The following PASD1 variants were observed in gnomAD, a reference collection of about 807,000 sequenced individuals.
PASD1 encodes the protein PAS domain containing repressor 1.
PASD1 carries 13 observed loss-of-function variants against 58.8 expected under a neutral mutation model. That is an observed-to-expected ratio of 0.22 (90% CI 0.14 to 0.35). The LOEUF is 0.35. Ranked by LOEUF, PASD1 falls within the 10% of genes least tolerant of loss-of-function variation. The probability of loss-of-function intolerance (pLI) is 1.00; values close to 1 mark genes in which losing one functional copy is unlikely to be tolerated. For missense variants in PASD1, 734 were observed against 568.3 expected, an observed-to-expected ratio of 1.29 and a Z score of -2.96; for synonymous variants, 236 against 216.7, an observed-to-expected ratio of 1.09 and a Z score of -0.78.
intron 1 of PASD1, among the ~76,000 whole-genome samples, chrX:151,577,485 T>C (rs1454128537): frequency 8.9e-6 from 1 of 112,044 alleles, no homozygotes; most frequent in East Asian, 2.8e-4. Context: ...TAATGCACAG[T>C]CATTGCAATT....
At chrX:151,590,817 G>A (rs1006048708) in intron 1 of PASD1, among the ~76,000 whole-genome samples, 2 of 111,465 alleles carry the variant, frequency 1.8e-5, no homozygotes, top group East Asian at 5.7e-4. Context: ...CTCCTGCCTT[G>A]ACCTCCCGAA....
chrX:151,626,024 C>T (rs1188938107), intron 8 of PASD1, among the ~76,000 whole-genome samples: 1 of 111,521 alleles, frequency 9.0e-6, no homozygotes, highest in African/African-American at 3.3e-5. Context: ...CACATTTTTC[C>T]AACAGAATGT....
intron 8 of PASD1, among the ~76,000 whole-genome samples, chrX:151,636,119 T>G (rs143639951): frequency 0.027 from 3,058 of 111,214 alleles, 99 homozygotes; most frequent in African/African-American, 0.093. Context: ...ATTTTGAATT[T>G]TTTCACTCTA....
chrX:151,648,125 A>C (rs1192732137), intron 8 of PASD1, among the ~76,000 whole-genome samples: 1 of 111,054 alleles, frequency 9.0e-6, no homozygotes, highest in Non-Finnish European at 1.9e-5. Context: ...AATTGGTGAA[A>C]AGTAAGCTAG....
chrX:151,670,577 G>C (rs1467481300), intron 11 of PASD1, among the ~76,000 whole-genome samples: 1 of 112,193 alleles, frequency 8.9e-6, no homozygotes, highest in Non-Finnish European at 1.9e-5. Flanking sequence ...CTGCTTTTCA[G>C]GGCTCTGTGA....
rs189694384 is a variant in PASD1 at position 151,586,199 on chromosome X, T to C, written c.-27-15328T>C. Among the ~76,000 whole-genome samples the C allele has an allele frequency of 4.4e-5, 5 of 112,412 alleles. No homozygotes were observed. The East Asian group carries it at 1.4e-3, about 32-fold the overall frequency. ...CTTAGGTGGTGTTGTCCAGAGAATG[T>C]AGTGGTTATAAACTGAATTCTAAAG... On this transcript the variant is annotated intron_variant, in intron 1 of 15. Coordinates refer to ENST00000370357, the MANE Select transcript of PASD1 (RefSeq NM_173493.3).
In PASD1 at chrX:151,672,201, GAAC is replaced by G. The variant is rs1311319685; in HGVS notation, c.1461_1463del (p.Gln487del). On this transcript the variant is annotated inframe_deletion, in exon 14 of 16. Transcript: ENST00000370357. ...GATGCAGCAGCAACTGGTGCAGCAAGAACAACACCTGAAGGAGCAGCAGCGGCA... is the reference window on the plus strand; with the variant it reads ...GATGCAGCAGCAACTGGTGCAGCAAGAACACCTGAAGGAGCAGCAGCGGCA... 3 of 1,157,318 alleles carry G rather than the reference GAAC, an allele frequency of 2.6e-6. No individual in the cohort carries two copies. The highest frequency in any genetic ancestry group is 3.3e-5 in the East Asian group (1 of 30,735).
intron 9 of PASD1, among the ~76,000 whole-genome samples, chrX:151,652,487 C>T (rs1164601179): frequency 1.9e-5 from 2 of 103,459 alleles, no homozygotes; most frequent in African/African-American, 3.5e-5. Context: ...GAGCTAAGAT[C>T]GTGCCACTGC....
At chrX:151,573,340 T>C (rs1042373315) in intron 1 of PASD1, among the ~76,000 whole-genome samples, 2 of 112,193 alleles carry the variant, frequency 1.8e-5, no homozygotes, top group African/African-American at 6.5e-5. Context: ...CTACATTTTT[T>C]CTATGTCTTA....
chrX:151,623,212 A>C (rs1201220162), intron 7 of PASD1, 148 bp downstream of exon 7: 4 of 616,231 alleles, frequency 6.5e-6, no homozygotes, highest in Admixed American at 9.7e-5. Flanking sequence ...GTAAATAAGG[A>C]AAATCAGCTC....
chrX:151,659,484 C>T (rs779552138), intron 9 of PASD1, among the ~76,000 whole-genome samples: 2 of 112,177 alleles, frequency 1.8e-5, no homozygotes, highest in African/African-American at 6.5e-5. Context: ...TGTTTCTCTT[C>T]TTCAGTTTGT....
intron 3 of PASD1, among the ~76,000 whole-genome samples, chrX:151,606,178 T>G (rs1312622585): frequency 1.2e-5 from 1 of 85,674 alleles, no homozygotes; most frequent in Non-Finnish European, 2.4e-5. Context: ...TAGAAAAGTC[T>G]GTTCTTTATT....
At chrX:151,598,056 G>A (rs139072939) in intron 1 of PASD1, among the ~76,000 whole-genome samples, 75 of 112,272 alleles carry the variant, frequency 6.7e-4, no homozygotes, top group African/African-American at 2.4e-3. Context: ...TTACTAACTT[G>A]TTTACTAGTT....
intron 1 of PASD1, among the ~76,000 whole-genome samples, chrX:151,581,833 A>G (rs1052206645): frequency 9.1e-6 from 1 of 110,225 alleles, no homozygotes; most frequent in African/African-American, 3.3e-5. Context: ...AGCTCTGTCA[A>G]CTCAATTTTG....
chrX:151,569,321 C>T (rs938531270), intron 1 of PASD1, among the ~76,000 whole-genome samples: 10 of 111,808 alleles, frequency 8.9e-5, no homozygotes, highest in Non-Finnish European at 1.5e-4. Flanking sequence ...TACTCTTTTC[C>T]GTCTCCCATA....
At chrX:151,637,992 C>T (rs2013951899) in intron 8 of PASD1, among the ~76,000 whole-genome samples, 1 of 111,388 alleles carries the variant, frequency 9.0e-6, no homozygotes, top group South Asian at 3.7e-4. Flanking sequence ...ATCCTGCAAA[C>T]ATTGTTCTAA....
At position 151,676,118 on chromosome X, in the gene PASD1, A is replaced by G. The variant is rs777394662; in HGVS notation, c.2297A>G (p.Gln766Arg). 1 of 1,209,865 alleles carries G rather than the reference A, an allele frequency of 8.3e-7. No homozygotes were observed. Among genetic ancestry groups the G allele is most frequent in the East Asian group, 3.0e-5 (1 of 33,764 alleles). ...AEQTRLMPAE[Q>R]RDSNKPC is the part of the protein sequence containing the mutation. ...CAGACCAGATTGATGCCTGCAGAGC[A>G]ACGTGACTCAAATAAGCCGTGCTAA... The change falls in exon 16 of 16, where the codon CAA (glutamine) becomes CGA (arginine). Residue 766 changes from glutamine (Q) to arginine (R), a missense_variant. Transcript: ENST00000370357.
chrX:151,614,610 G>A (rs1466482738), intron 4 of PASD1, among the ~76,000 whole-genome samples: 4 of 112,071 alleles, frequency 3.6e-5, no homozygotes, highest in African/African-American at 6.5e-5. Context: ...TCATATCTCC[G>A]TTGTTGTTTT....
rs1471524915 is a variant in PASD1, at chrX:151,621,492, T to G, written c.318T>G (p.Ile106Met). 2 of 1,196,559 alleles carry G rather than the reference T, an allele frequency of 1.7e-6. No homozygotes were observed. Among genetic ancestry groups the G allele is most frequent in the Non-Finnish European group, 1.1e-6 (1 of 885,494 alleles). Residue 106 changes from isoleucine (I) to methionine (M), a missense_variant, in exon 6 of 16, where the codon ATT (isoleucine) becomes ATG (methionine). Transcript: ENST00000370357. ...KFPLLNSETH[I>M]EFCCHLKRGN... ...TTCTCTTTTTACTAGAAACACATAT[T>G]GAATTTTGCTGTCATTTAAAAAGAG...
Sources: allele counts gnomAD v4.1 joint callset (sites outside exome capture counted in the v4.1 genomes callset), GRCh38; gene constraint gnomAD v4.1.1; transcripts MANE v1.5; gene names NCBI Gene and HGNC (gene_info 2026-07-23, HGNC 2026-07-21).